Variants in TBC1D19 observed in about 807,000 individuals in gnomAD.
TBC1D19 encodes the protein TBC1 domain family, member 19.
TBC1D19 carries 60 observed loss-of-function variants against 89.0 expected under a neutral mutation model. That is an observed-to-expected ratio of 0.67 (90% CI 0.55 to 0.84). The LOEUF (loss-of-function observed/expected upper bound fraction) is 0.84. Ranked by LOEUF, TBC1D19 falls within the 40% of genes least tolerant of loss-of-function variation. The probability of loss-of-function intolerance (pLI) is 0.00; values close to 1 mark genes in which losing one functional copy is unlikely to be tolerated. For missense variants in TBC1D19, 500 were observed against 610.8 expected (o/e 0.82, Z 1.91); for synonymous variants, 189 against 199.7 (o/e 0.95, Z 0.45).
At chr4:26,808,383 C>T in the TBC1D19 span, among the ~76,000 whole-genome samples, 2 of 152,080 alleles carry the variant, frequency 1.3e-5, no homozygotes, top group African/African-American at 4.8e-5. Context: ...CTAAGATATT[C>T]CCACTTTAGG....
intron 7 of TBC1D19, among the ~76,000 whole-genome samples, chr4:26,651,912 T>G (rs1396247364): frequency 6.6e-6 from 1 of 152,210 alleles, no homozygotes; most frequent in Non-Finnish European, 1.5e-5. Flanking sequence ...ATTGAGAGTT[T>G]TTAGCATGAA....
intron 1 of TBC1D19, 58 bp downstream of exon 1, chr4:26,584,350 C>T (rs1739277891): frequency 6.7e-7 from 1 of 1,497,970 alleles, no homozygotes; most frequent in Non-Finnish European, 9.1e-7. Context: ...GATGTCTCTT[C>T]TTCACCCTCC....
At chr4:26,829,071 G>A in the TBC1D19 span, among the ~76,000 whole-genome samples, 3 of 152,228 alleles carry the variant, frequency 2.0e-5, no homozygotes, top group African/African-American at 2.4e-5. Context: ...CAGAACTCAA[G>A]ATTGGAAGGA....
chr4:26,722,319 A>C (rs1055293163), intron 15 of TBC1D19, among the ~76,000 whole-genome samples: 1 of 152,188 alleles, frequency 6.6e-6, no homozygotes, highest in East Asian at 1.9e-4. Flanking sequence ...AGAGTTGTCC[A>C]TGGACTCAAG....
the TBC1D19 span, among the ~76,000 whole-genome samples, chr4:26,796,380 G>A: frequency 6.6e-6 from 1 of 152,306 alleles, no homozygotes; most frequent in South Asian, 2.1e-4. Context: ...GATATAAGAG[G>A]TGAAAAATGA....
intron 12 of TBC1D19, among the ~76,000 whole-genome samples, chr4:26,687,646 A>C (rs1713932907): frequency 6.6e-6 from 1 of 152,132 alleles, no homozygotes; most frequent in African/African-American, 2.4e-5. Flanking sequence ...TCACTCATCA[A>C]ATATGTATTG....
intron 1 of TBC1D19, 53 bp downstream of exon 1, chr4:26,584,345 C>G: frequency 6.6e-7 from 1 of 1,518,302 alleles, no homozygotes; most frequent in Non-Finnish European, 9.0e-7. Flanking sequence ...GCGGCGATGT[C>G]TCTTCTTCAC....
At chr4:26,772,447 G>T in the TBC1D19 span, among the ~76,000 whole-genome samples, 1 of 152,026 alleles carries the variant, frequency 6.6e-6, no homozygotes, top group African/African-American at 2.4e-5. Context: ...TTCTGGGTGG[G>T]GGGGAGCCAT....
intron 9 of TBC1D19, among the ~76,000 whole-genome samples, chr4:26,669,273 G>C (rs1459724451): frequency 6.6e-6 from 1 of 151,774 alleles, no homozygotes; most frequent in East Asian, 1.9e-4. Context: ...CTGTGAAAAA[G>C]AGAATCTTGT....
the TBC1D19 span, among the ~76,000 whole-genome samples, chr4:26,798,633 C>T: frequency 6.6e-6 from 1 of 151,746 alleles, no homozygotes; most frequent in African/African-American, 2.4e-5. Flanking sequence ...GTCATGGAAC[C>T]AACCTAAGTG....
At chr4:26,767,265 G>C in the TBC1D19 span, among the ~76,000 whole-genome samples, 4 of 152,176 alleles carry the variant, frequency 2.6e-5, no homozygotes, top group Non-Finnish European at 4.4e-5. Flanking sequence ...TATATACTCT[G>C]AGAATTCCTG....
At chr4:26,795,695 G>A in the TBC1D19 span, among the ~76,000 whole-genome samples, 2 of 152,106 alleles carry the variant, frequency 1.3e-5, no homozygotes. Flanking sequence ...TCAGATATAA[G>A]TTTGATGTGA....
the TBC1D19 span, among the ~76,000 whole-genome samples, chr4:26,841,719 T>G: frequency 6.6e-6 from 1 of 152,192 alleles, no homozygotes; most frequent in Non-Finnish European, 1.5e-5. Flanking sequence ...TTTGGGCCAC[T>G]CTGTGCCTGT....
intron 4 of TBC1D19, among the ~76,000 whole-genome samples, chr4:26,634,920 G>A (rs1207764604): frequency 6.6e-6 from 1 of 151,978 alleles, no homozygotes; most frequent in Non-Finnish European, 1.5e-5. Flanking sequence ...TGTTGTTCAC[G>A]TGCCAACTCT....
At chr4:26,586,115 GTGTGATCCATTT>G (rs71643617) in intron 1 of TBC1D19, among the ~76,000 whole-genome samples, 66,678 of 147,572 alleles carry the variant, frequency 0.45, 16,794 homozygotes, top group Admixed American at 0.6. Context: ...AAATGTAGAA[GTGTGATCCATTT>G]TGTGATCCAT....
chr4:26,613,667 C>G (rs1385084499), intron 2 of TBC1D19, among the ~76,000 whole-genome samples: 1 of 152,118 alleles, frequency 6.6e-6, no homozygotes, highest in Non-Finnish European at 1.5e-5. Context: ...GAGAAAGACT[C>G]CTTTGCATTA....
chr4:26,673,362 A>G (rs1031171558), intron 10 of TBC1D19, among the ~76,000 whole-genome samples: 2 of 150,520 alleles, frequency 1.3e-5, no homozygotes, highest in East Asian at 1.9e-4. Flanking sequence ...TAGAATATGC[A>G]TAAGAAATTT....
chr4:26,730,782 A>G (rs949644992), intron 15 of TBC1D19, among the ~76,000 whole-genome samples: 1 of 152,156 alleles, frequency 6.6e-6, no homozygotes, highest in African/African-American at 2.4e-5. Context: ...GTTTCCACAA[A>G]TAGCCAGCCT....
chr4:26,651,603 A>G (rs1577875394), intron 7 of TBC1D19, among the ~76,000 whole-genome samples: 2 of 152,322 alleles, frequency 1.3e-5, no homozygotes, highest in South Asian at 4.1e-4. Context: ...CAGCTTAAGG[A>G]GATTTTGGGC....
Sources: gnomAD v4.1 joint callset for allele counts (sites outside exome capture counted in the v4.1 genomes callset) on GRCh38, gnomAD v4.1.1 for gene constraint, MANE v1.5 for transcripts, NCBI Gene and HGNC (gene_info 2026-07-23, HGNC 2026-07-21) for gene names.